The following PCSK2 variants were observed in gnomAD, a reference collection of about 807,000 sequenced individuals.
The protein encoded by PCSK2 is proprotein convertase subtilisin/kexin type 2.
Under a neutral mutation model 69.7 loss-of-function variants are expected in PCSK2, and 14 were observed. That is an observed-to-expected ratio of 0.20 (90% CI 0.13 to 0.31). PCSK2 has a LOEUF of 0.31. Among genes scored for constraint, PCSK2 ranks in the 10% least tolerant of loss-of-function variants. The pLI, the probability that PCSK2 is intolerant of heterozygous loss-of-function variation, is 1.00. For synonymous variants in PCSK2, 307 were observed against 320.7 expected, an observed-to-expected ratio of 0.96 and a Z score of 0.46; for missense variants, 544 against 842.5, an observed-to-expected ratio of 0.65 and a Z score of 4.39.
chr20:17,247,784 G>A (rs189361462), intron 1 of PCSK2, among the ~76,000 whole-genome samples: 1 of 152,224 alleles, frequency 6.6e-6, no homozygotes, highest in Non-Finnish European at 1.5e-5. Flanking sequence ...TTTAAAAGAA[G>A]CAGGAAATAG....
chr20:17,438,002 G>A (rs984125049), intron 8 of PCSK2, among the ~76,000 whole-genome samples: 21 of 114,914 alleles, frequency 1.8e-4, no homozygotes, highest in Admixed American at 2.4e-4. Context: ...CACCCACACC[G>A]TGCTCCCAGA....
At chr20:17,434,071 CCTT>C (rs1485216392) in intron 7 of PCSK2, among the ~76,000 whole-genome samples, 1 of 144,406 alleles carries the variant, frequency 6.9e-6, no homozygotes, top group East Asian at 2.1e-4. Context: ...TCTGTCCTCT[CCTT>C]CTCTCTCTAC....
intron 4 of PCSK2, among the ~76,000 whole-genome samples, chr20:17,368,754 C>T (rs2030673462): frequency 6.6e-6 from 1 of 152,170 alleles, no homozygotes; most frequent in African/African-American, 2.4e-5. Context: ...CCTCAGCTCC[C>T]AACCAGCAAC....
chr20:17,430,681 G>A (rs2032345284), intron 7 of PCSK2, among the ~76,000 whole-genome samples: 1 of 152,158 alleles, frequency 6.6e-6, no homozygotes, highest in African/African-American at 2.4e-5. Context: ...TAAAATGTCA[G>A]GAGCCATTAT....
Position 17,360,555 on chromosome 20 carries a change from C to G in PCSK2, c.420C>G (p.Gly140=). 1.2e-6 allele frequency: 2 copies of G among 1,611,474 alleles called. No individual in the cohort carries two copies. The highest frequency in any genetic ancestry group is 1.7e-6 in the Non-Finnish European group (2 of 1,178,258). ...AGATCAATACTGGGCAAGCTGATGG[C>G]ACTCCTGGCCTTGATTTGAATGTGG... ...WYLINTGQAD[G]TPGLDLNVAE... is the part of the protein sequence containing the mutation. The change falls in exon 4 of 12, where the codon GGC becomes GGG. Residue 140 remains glycine, a synonymous_variant. Coordinates refer to ENST00000262545, the MANE Select transcript of PCSK2 (RefSeq NM_002594.5).
chr20:17,479,721 C>T (rs3790332), intron 11 of PCSK2, among the ~76,000 whole-genome samples: 2 of 146,980 alleles, frequency 1.4e-5, no homozygotes, highest in South Asian at 2.2e-4. Flanking sequence ...GGCGTGAACC[C>T]GGGAGGCGGA....
chr20:17,411,368 G>A (rs2031868391), intron 6 of PCSK2, among the ~76,000 whole-genome samples: 1 of 152,242 alleles, frequency 6.6e-6, no homozygotes, highest in Non-Finnish European at 1.5e-5. Flanking sequence ...CAGCAGACCA[G>A]GAGATTCTCT....
In PCSK2 at chr20:17,271,730, T is replaced by C. The variant is rs567997627; in HGVS notation, c.282+11386T>C. Among the ~76,000 whole-genome samples the C allele has an allele frequency of 2.0e-4, 31 of 152,242 alleles. No individual in the cohort carries two copies. The South Asian group carries it at 4.4e-3, about 21-fold the overall frequency. On this transcript the variant is annotated intron_variant, in intron 2 of 11. Coordinates refer to ENST00000262545, the MANE Select transcript of PCSK2 (RefSeq NM_002594.5). ...GCCCTGGTTGCCACATCTACAATTT[T>C]GAAGAAAAGTAGCAACTACCAATCT...
chr20:17,392,587 C>T (rs1235945886), intron 5 of PCSK2, among the ~76,000 whole-genome samples: 1 of 152,214 alleles, frequency 6.6e-6, no homozygotes, highest in Non-Finnish European at 1.5e-5. Context: ...TTTCCTCCTG[C>T]TGCCCCTTTT....
intron 9 of PCSK2, among the ~76,000 whole-genome samples, chr20:17,454,268 A>G (rs1375272889): frequency 2.6e-5 from 4 of 152,220 alleles, no homozygotes; most frequent in Non-Finnish European, 4.4e-5. Context: ...GCCCCATTCC[A>G]TCACTTACAA....
chr20:17,434,170 G>GTC (rs1483472675), intron 7 of PCSK2, among the ~76,000 whole-genome samples: 2 of 94,002 alleles, frequency 2.1e-5, no homozygotes, highest in Non-Finnish European at 4.1e-5. Flanking sequence ...CATTCTCTTT[G>GTC]TCTCTCTCCC....
intron 2 of PCSK2, among the ~76,000 whole-genome samples, chr20:17,278,073 G>C (rs1988159764): frequency 6.6e-6 from 1 of 152,122 alleles, no homozygotes; most frequent in Non-Finnish European, 1.5e-5. Flanking sequence ...GGAAACAACA[G>C]GTGCTGGAGA....
intron 2 of PCSK2, among the ~76,000 whole-genome samples, chr20:17,289,909 T>A (rs770490560): frequency 6.6e-6 from 1 of 152,234 alleles, no homozygotes; most frequent in African/African-American, 2.4e-5. Flanking sequence ...CAAAATAAAT[T>A]CTCTTTTGTA....
intron 6 of PCSK2, among the ~76,000 whole-genome samples, chr20:17,410,349 C>A (rs1299767147): frequency 6.6e-6 from 1 of 152,050 alleles, no homozygotes; most frequent in African/African-American, 2.4e-5. Flanking sequence ...TTGATACAGG[C>A]AGCATGATGA....
intron 5 of PCSK2, among the ~76,000 whole-genome samples, chr20:17,381,376 A>T (rs376039620): frequency 6.6e-6 from 1 of 152,234 alleles, no homozygotes. Flanking sequence ...AAGATGTATT[A>T]CAGTGTGTAG....
chr20:17,268,699 G>T (rs1442514145), intron 2 of PCSK2, among the ~76,000 whole-genome samples: 1 of 152,192 alleles, frequency 6.6e-6, no homozygotes, highest in East Asian at 1.9e-4. Flanking sequence ...AAAGAACTTT[G>T]AATTGACTCT....
intron 5 of PCSK2, among the ~76,000 whole-genome samples, chr20:17,371,600 A>T (rs1316343851): frequency 6.6e-6 from 1 of 152,112 alleles, no homozygotes; most frequent in Non-Finnish European, 1.5e-5. Context: ...CAGATTCAAA[A>T]CTAGCCATAA....
chr20:17,247,292 A>G (rs2076100110), intron 1 of PCSK2, among the ~76,000 whole-genome samples: 1 of 152,196 alleles, frequency 6.6e-6, no homozygotes, highest in African/African-American at 2.4e-5. Flanking sequence ...ACGGTCTCTG[A>G]GAAAGTCAAT....
chr20:17,425,709 C>T (rs1392201543), intron 6 of PCSK2, among the ~76,000 whole-genome samples: 2 of 152,166 alleles, frequency 1.3e-5, no homozygotes, highest in African/African-American at 4.8e-5. Flanking sequence ...CTCTGTGTTC[C>T]TGGTGGAGCA....
Sources: gnomAD v4.1 joint callset for allele counts (sites outside exome capture counted in the v4.1 genomes callset) on GRCh38, gnomAD v4.1.1 for gene constraint, MANE v1.5 for transcripts, NCBI Gene and HGNC (gene_info 2026-07-23, HGNC 2026-07-21) for gene names.